Variants in CEP44 observed in about 807,000 individuals in gnomAD.
CEP44 encodes the protein centrosomal protein of 44 kDa.
A neutral mutation model predicts 46.7 loss-of-function variants in CEP44; 45 were observed. That is an observed-to-expected ratio of 0.96 (90% confidence interval 0.76 to 1.24). The LOEUF (loss-of-function observed/expected upper bound fraction) is 1.24. Among genes scored for constraint, CEP44 ranks in the 50% most tolerant of loss-of-function variants. The pLI is 0.00. For synonymous variants in CEP44, 142 were observed against 146.0 expected (o/e 0.97, Z 0.20); for missense variants, 475 against 459.7 (o/e 1.03, Z -0.30).
At chr4:174,284,136 G>A (rs1328436714) in intron 1 of CEP44, 193 bp downstream of exon 1, 6 of 398,756 alleles carry the variant, frequency 1.5e-5, no homozygotes, top group African/African-American at 1.0e-4. Context: ...GCTGGTGGCT[G>A]CTTGGTGAGC....
intron 3 of CEP44, among the ~76,000 whole-genome samples, chr4:174,299,971 T>C (rs1739523626): frequency 6.6e-6 from 1 of 152,218 alleles, no homozygotes; most frequent in Admixed American, 6.5e-5. Flanking sequence ...GTTACTAGAA[T>C]GTAAGCTGAA....
intron 5 of CEP44, 56 bp downstream of exon 5, chr4:174,303,905 A>G: frequency 8.5e-7 from 1 of 1,174,372 alleles, no homozygotes; most frequent in Non-Finnish European, 1.2e-6. Context: ...ATGGCTCAGT[A>G]TTTTAATGTA....
chr4:174,313,391 A>T (rs1265214551), intron 9 of CEP44, among the ~76,000 whole-genome samples: 4 of 145,628 alleles, frequency 2.7e-5, no homozygotes, highest in African/African-American at 9.9e-5. Flanking sequence ...GAAAAAAAAA[A>T]AAAAGGTGTG....
chr4:174,287,870 A>T lies in CEP44; in HGVS notation c.-148+3927A>T, dbSNP rs1397717125. ...GTAGAGCTAGTAATACCAGGTATAG[A>T]CAAGAATGTAGTATTTAAAGCTAAT... is the stretch of plus-strand genomic sequence containing the variant. On this transcript the variant is annotated intron_variant, in intron 1 of 11. Coordinates refer to ENST00000503780, the MANE Select transcript of CEP44 (RefSeq NM_001040157.3). This position sits in a 1 kb window ranked among gnomAD's most constrained non-coding sequence, Gnocchi z 5.1. Among the ~76,000 whole-genome samples the T allele has an allele frequency of 6.6e-6, 1 of 152,226 alleles. No homozygotes were observed. Among genetic ancestry groups the T allele is most frequent in the Non-Finnish European group, 1.5e-5 (1 of 68,034 alleles).
chr4:174,305,560 A>G (rs2126609257), intron 6 of CEP44, among the ~76,000 whole-genome samples: 1 of 152,326 alleles, frequency 6.6e-6, no homozygotes, highest in Middle Eastern at 3.4e-3. Context: ...CTAGGTAATG[A>G]AGACAATATA....
At chr4:174,292,462 C>G (rs1368408852) in intron 1 of CEP44, among the ~76,000 whole-genome samples, 1 of 152,168 alleles carries the variant, frequency 6.6e-6, no homozygotes, top group African/African-American at 2.4e-5. Context: ...CCCTTTCTCT[C>G]TGTCTTTTTG....
downstream of CEP44, among the ~76,000 whole-genome samples, chr4:174,324,750 C>G (rs1378300451): frequency 6.6e-6 from 1 of 152,108 alleles, no homozygotes; most frequent in Non-Finnish European, 1.5e-5. Flanking sequence ...ACACTTACCC[C>G]TGAGTAGCAG....
downstream of CEP44, among the ~76,000 whole-genome samples, chr4:174,321,454 T>A (rs1742310679): frequency 6.6e-6 from 1 of 152,148 alleles, no homozygotes; most frequent in South Asian, 2.1e-4. Flanking sequence ...TTCTTCAAAA[T>A]TAGGTGTAAG....
rs552132918 is a variant in CEP44, at chr4:174,317,968, C to T, written c.*585C>T. Reference sequence around the variant, plus strand: ...TTCTCCTTTTGTACTGGGAAACAGGCTGGAGGACTATGGTCCTCAAGTTTA... The same window carrying T: ...TTCTCCTTTTGTACTGGGAAACAGGTTGGAGGACTATGGTCCTCAAGTTTA... On this transcript the variant is annotated 3_prime_UTR_variant, in exon 12 of 12. Transcript: ENST00000503780. 1.5e-5 allele frequency: 15 copies of T among 985,144 alleles called. No homozygotes were observed. Among genetic ancestry groups the T allele is most frequent in the Non-Finnish European group, 1.8e-5 (15 of 829,802 alleles). The allele number at this position is 985,144 out of a possible 1,614,324, so 61.0% of individuals were successfully genotyped here.
At chr4:174,291,119 C>G (rs1738148822) in intron 1 of CEP44, among the ~76,000 whole-genome samples, 1 of 151,912 alleles carries the variant, frequency 6.6e-6, no homozygotes, top group Non-Finnish European at 1.5e-5. Flanking sequence ...CTACTGAGAG[C>G]CCTTAATTAT....
Position 174,288,864 on chromosome 4 carries a change from A to G in CEP44, c.-148+4921A>G, listed in dbSNP as rs1273739638. 6.6e-6 allele frequency among the ~76,000 whole-genome samples: 1 copy of G among 152,174 alleles called. No individual in the cohort carries two copies. Among genetic ancestry groups the G allele is most frequent in the Non-Finnish European group, 1.5e-5 (1 of 68,000 alleles). On this transcript the variant is annotated intron_variant, in intron 1 of 11. Coordinates refer to ENST00000503780, the MANE Select transcript of CEP44 (RefSeq NM_001040157.3). The surrounding 1 kb of genome is among the most constrained non-coding windows in gnomAD (Gnocchi z 4.6). ...AGCTTTCAGTTTTTTATCTTTAAGT[A>G]TCTTAGCTGTGGGCTTCTCATAAAT... is the stretch of plus-strand genomic sequence containing the variant.
chr4:174,285,391 T>A (rs1416879129), intron 1 of CEP44: 1 of 152,124 alleles, frequency 6.6e-6, no homozygotes, highest in Non-Finnish European at 1.5e-5. Context: ...CAATTTTAAA[T>A]CCCTTTATTT....
intron 10 of CEP44, 51 bp from the exon 11 acceptor site, chr4:174,316,466 GGTCCATCTTTGAT>G: frequency 1.4e-6 from 2 of 1,438,946 alleles, no homozygotes; most frequent in Non-Finnish European, 1.9e-6. Context: ...GTACATTCTC[GGTCCATCTTTGAT>G]GATGGTTTAC....
intron 6 of CEP44, among the ~76,000 whole-genome samples, chr4:174,307,796 A>G (rs1740602584): frequency 6.6e-6 from 1 of 152,212 alleles, no homozygotes; most frequent in Admixed American, 6.5e-5. Context: ...AAGTGGACAA[A>G]GGATATGAAC....
intron 11 of CEP44, 108 bp downstream of exon 11, chr4:174,316,675 A>C: frequency 9.8e-7 from 1 of 1,021,316 alleles, no homozygotes; most frequent in Non-Finnish European, 1.4e-6. Context: ...AAGGTCTCTC[A>C]ATCAGGTGTG....
rs1314638309 is a variant in CEP44 at position 174,316,209 on chromosome 4, C to T, written c.1005C>T (p.Ser335=). The change falls in exon 10 of 12, where the codon TCC becomes TCT. Residue 335 remains serine (S), a synonymous_variant. Coordinates refer to ENST00000503780, the MANE Select transcript of CEP44 (RefSeq NM_001040157.3). ...AGAGGCCAGCAAGTATTCCTCTGTC[C>T]TCTGGCTATAGTACAGCATCATCAG... ...EVERPASIPL[S]SGYSTASSDS... is the part of the protein sequence containing the mutation. The T allele has an allele frequency of 1.2e-6, 2 of 1,613,882 alleles. No homozygotes were observed. The highest frequency in any genetic ancestry group is 8.5e-7 in the Non-Finnish European group (1 of 1,179,896).
rs76084831 is a variant in CEP44, at chr4:174,327,103, T to C, written c.1087-4379T>C. On this transcript the variant is annotated intron_variant, in intron 8 of 8. Transcript: ENST00000426172. ...TAGGAGCCATAAGTGGACATTTACA[T>C]ATATATGTATATATATATCTACATA... 4.1e-3 allele frequency among the ~76,000 whole-genome samples: 616 copies of C among 150,266 alleles called. 8 individuals are homozygous for C. The highest frequency in any genetic ancestry group is 0.014 in the African/African-American group (588 of 41,154).
chr4:174,305,808 T>G (rs1274284288), intron 6 of CEP44, among the ~76,000 whole-genome samples: 11 of 152,238 alleles, frequency 7.2e-5, no homozygotes, highest in Admixed American at 5.2e-4. Flanking sequence ...CACTTATTAA[T>G]TATTTATTGA....
intron 1 of CEP44, among the ~76,000 whole-genome samples, chr4:174,284,956 T>C (rs571488683): frequency 6.6e-6 from 1 of 152,214 alleles, no homozygotes. Context: ...TGACATTCTA[T>C]TGGGAGGCAT....
Sources: gnomAD v4.1 joint callset for allele counts (sites outside exome capture counted in the v4.1 genomes callset) on GRCh38, gnomAD v4.1.1 for gene constraint, Gnocchi (gnomAD v3.1) non-coding constraint, MANE v1.5 for transcripts, NCBI Gene and HGNC (gene_info 2026-07-23, HGNC 2026-07-21) for gene names.